PDE3A: variants seen among roughly 807,000 people sequenced by gnomAD.
PDE3A encodes cGMP-inhibited 3',5'-cyclic phosphodiesterase 3A.
PDE3A carries 43 observed loss-of-function variants against 98.3 expected under a neutral mutation model. That is an observed-to-expected ratio of 0.44 (90% confidence interval 0.34 to 0.56). The LOEUF (loss-of-function observed/expected upper bound fraction) is 0.56, where lower values mean the gene tolerates loss of function less well. Ranked by LOEUF, PDE3A falls within the 20% of genes least tolerant of loss-of-function variation. PDE3A has a pLI of 0.01. For missense variants in PDE3A, 1,427 were observed against 1,440.7 expected, an observed-to-expected ratio of 0.99 and a Z score of 0.15; for synonymous variants, 663 against 567.9, an observed-to-expected ratio of 1.17 and a Z score of -2.38.
intron 1 of PDE3A, among the ~76,000 whole-genome samples, chr12:20,518,669 T>C (rs563073644): frequency 3.9e-5 from 6 of 152,284 alleles, no homozygotes; most frequent in Non-Finnish European, 8.8e-5. Context: ...CATCTTTTTT[T>C]CCCCCTTTTG....
intron 2 of PDE3A, among the ~76,000 whole-genome samples, chr12:20,566,890 G>A (rs1004755843): frequency 2.0e-5 from 3 of 151,932 alleles, no homozygotes; most frequent in Non-Finnish European, 4.4e-5. Flanking sequence ...CTATTCAGGT[G>A]TACGGTGACT....
intron 1 of PDE3A, among the ~76,000 whole-genome samples, chr12:20,522,324 G>A (rs1017278062): frequency 1.3e-5 from 2 of 152,196 alleles, no homozygotes; most frequent in African/African-American, 4.8e-5. Flanking sequence ...GGAATTGCTA[G>A]AAATGCAAAT....
intron 1 of PDE3A, among the ~76,000 whole-genome samples, chr12:20,445,890 T>TA (rs1358428026): frequency 2.0e-5 from 3 of 151,940 alleles, no homozygotes; most frequent in Non-Finnish European, 2.9e-5. Flanking sequence ...ACAAAGCTTT[T>TA]AAAAAAAATC....
chr12:20,510,276 T>C (rs763216857), intron 1 of PDE3A, among the ~76,000 whole-genome samples: 3 of 152,088 alleles, frequency 2.0e-5, no homozygotes, highest in Non-Finnish European at 4.4e-5. Context: ...TACAAATTTG[T>C]CAGCCAGTTT....
intron 1 of PDE3A, among the ~76,000 whole-genome samples, chr12:20,453,834 T>C (rs953538590): frequency 6.6e-6 from 1 of 152,038 alleles, no homozygotes; most frequent in Non-Finnish European, 1.5e-5. Flanking sequence ...AGCTAGAGTC[T>C]CACCATTTAA....
At chr12:20,487,721 T>A (rs996803360) in intron 1 of PDE3A, among the ~76,000 whole-genome samples, 1 of 151,942 alleles carries the variant, frequency 6.6e-6, no homozygotes, top group Non-Finnish European at 1.5e-5. Flanking sequence ...TGCATTCCAA[T>A]GGATACAACA....
At chr12:20,534,544 T>C (rs2121198838) in intron 1 of PDE3A, among the ~76,000 whole-genome samples, 1 of 152,330 alleles carries the variant, frequency 6.6e-6, no homozygotes, top group South Asian at 2.1e-4. Context: ...ATTTATACTT[T>C]AAGTGCAATG....
chr12:20,650,417 A>T, intron 13 of PDE3A, 28 bp from the exon 14 acceptor site: 1 of 1,522,886 alleles, frequency 6.6e-7, no homozygotes, highest in Non-Finnish European at 9.0e-7. Context: ...TCAAAGCAAA[A>T]CATATATTAA....
chr12:20,581,251 G>A (rs950782545), intron 2 of PDE3A, among the ~76,000 whole-genome samples: 6 of 152,138 alleles, frequency 3.9e-5, no homozygotes, highest in Non-Finnish European at 5.9e-5. Flanking sequence ...AAAACTTAAT[G>A]CCAAACAGAA....
intron 2 of PDE3A, among the ~76,000 whole-genome samples, chr12:20,562,747 C>T (rs1942560551): frequency 6.6e-6 from 1 of 152,086 alleles, no homozygotes; most frequent in South Asian, 2.1e-4. Context: ...TATTTGACTA[C>T]CAGCCAGACT....
At chr12:20,538,091 A>T (rs1196268737) in intron 1 of PDE3A, among the ~76,000 whole-genome samples, 4 of 152,168 alleles carry the variant, frequency 2.6e-5, no homozygotes, top group African/African-American at 2.4e-5. Flanking sequence ...AGTCAGCTAA[A>T]GTGTGTAGGT....
chr12:20,627,280 T>A (rs1944287007), intron 5 of PDE3A, among the ~76,000 whole-genome samples: 1 of 152,090 alleles, frequency 6.6e-6, no homozygotes, highest in Non-Finnish European at 1.5e-5. Context: ...TACTTTTAAT[T>A]GCTGTTTTTG....
chr12:20,465,109 A>G (rs1485564044), intron 1 of PDE3A, among the ~76,000 whole-genome samples: 7 of 152,194 alleles, frequency 4.6e-5, no homozygotes, highest in African/African-American at 1.7e-4. Flanking sequence ...AGTTACATAT[A>G]GTTCATTAAA....
chr12:20,376,836 C>CA (rs1477927355), intron 1 of PDE3A, among the ~76,000 whole-genome samples: 1 of 151,612 alleles, frequency 6.6e-6, no homozygotes, highest in Admixed American at 6.6e-5. Context: ...AGAACATTAC[C>CA]ATTTCGAAGA....
At chr12:20,420,876 A>G (rs1054647978) in intron 1 of PDE3A, among the ~76,000 whole-genome samples, 13 of 152,188 alleles carry the variant, frequency 8.5e-5, no homozygotes, top group Non-Finnish European at 1.5e-4. Flanking sequence ...CTTTATTCAT[A>G]TGTTCTAAAT....
chr12:20,608,702 A>ACACAATTTG (rs1182398141), intron 2 of PDE3A, among the ~76,000 whole-genome samples: 2 of 152,074 alleles, frequency 1.3e-5, no homozygotes, highest in African/African-American at 4.8e-5. Context: ...ATAAAAAGAC[A>ACACAATTTG]CACAATTTGA....
At chr12:20,454,455 G>A (rs1038094237) in intron 1 of PDE3A, among the ~76,000 whole-genome samples, 3 of 152,158 alleles carry the variant, frequency 2.0e-5, no homozygotes, top group African/African-American at 7.2e-5. Flanking sequence ...AGTAAGAGGA[G>A]GGCTTTGTTT....
At chr12:20,593,964 AGAG>A (rs1209207523) in intron 2 of PDE3A, among the ~76,000 whole-genome samples, 2 of 152,086 alleles carry the variant, frequency 1.3e-5, no homozygotes, top group Admixed American at 6.6e-5. Flanking sequence ...GGCCAGAAGA[AGAG>A]GAGATGGCTG....
chr12:20,554,154 C>A (rs1942298859), intron 1 of PDE3A, among the ~76,000 whole-genome samples: 1 of 150,628 alleles, frequency 6.6e-6, no homozygotes, highest in Non-Finnish European at 1.5e-5. Context: ...AGTTTGCAGC[C>A]TATACCTCAA....
Sources: allele counts gnomAD v4.1 joint callset (sites outside exome capture counted in the v4.1 genomes callset), GRCh38; gene constraint gnomAD v4.1.1; transcripts MANE v1.5; gene names NCBI Gene and HGNC (gene_info 2026-07-23, HGNC 2026-07-21).